Variants in TBC1D9B observed in about 807,000 individuals in gnomAD.
The protein encoded by TBC1D9B is TBC1 domain family, member 9B (with GRAM domain).
TBC1D9B carries 87 observed loss-of-function variants against 121.1 expected under a neutral mutation model. The ratio of observed to expected loss-of-function variants is 0.72; its 90% CI spans 0.60 to 0.86. The LOEUF (loss-of-function observed/expected upper bound fraction) is 0.86. Ranked by LOEUF, TBC1D9B falls within the 40% of genes least tolerant of loss-of-function variation. The pLI, the probability that TBC1D9B is intolerant of heterozygous loss-of-function variation, is 0.00. For synonymous variants in TBC1D9B, 668 were observed against 670.1 expected (o/e 1.00, Z 0.05); for missense variants, 1,540 against 1,628.6 (o/e 0.95, Z 0.94).
In TBC1D9B at chr5:179,904,668, C is replaced by T. The variant is rs11748680; in HGVS notation, c.229+34G>A. 215 of 1,539,448 alleles carry T rather than the reference C, an allele frequency of 1.4e-4. No individual in the cohort carries two copies. The East Asian group carries it at 4.7e-3, about 34-fold the overall frequency. On this transcript the variant is annotated intron_variant, in intron 2 of 20. Coordinates refer to ENST00000355235, the MANE Select transcript of TBC1D9B (RefSeq NM_015043.4). The surrounding 1 kb of genome is among the most constrained non-coding windows in gnomAD (Gnocchi z 4.2). ...GGCAACGGCCCTTCCAGGGCAGGCC[C>T]TGCCCAGCACCCCTCACCACTCAGG...
chr5:179,888,265 G>A lies in TBC1D9B; in HGVS notation c.1092C>T (p.Pro364=), dbSNP rs776140199. Residue 364 remains proline (P), a synonymous_variant, in exon 7 of 21, where the codon CCC becomes CCT. Coordinates refer to ENST00000355235, the MANE Select transcript of TBC1D9B (RefSeq NM_015043.4). The stretch of plus-strand genomic sequence containing the variant: ...TTTTGCTTTTGGTGCTGATGGACAG[G>A]GGGCTGGGCAGCACGCTGGAGCTGT... ...KADSSSVLPS[P]LSISTKSKMT... is the part of the protein sequence containing the mutation. The A allele has an allele frequency of 8.7e-6, 14 of 1,609,910 alleles. No homozygotes were observed. In the South Asian group the frequency reaches 1.2e-4, roughly 14 times the overall value.
rs2113619409 is a variant in TBC1D9B at position 179,878,898 on chromosome 5, A to C, written c.1567+149T>G. ...GGTTGGGTCCCGGGCCAGAGCCCAG[A>C]GCCCAGAGCCCGGCTCCCGGCTGTG... On this transcript the variant is annotated intron_variant, in intron 9 of 20. Transcript: ENST00000355235. 2.6e-6 allele frequency: 3 copies of C among 1,164,064 alleles called. No homozygotes were observed. The African/African-American group carries it at 4.6e-5, about 18-fold the overall frequency. 72.1% of individuals were successfully genotyped at this position (1,164,064 alleles called of 1,614,324 possible).
Position 179,869,432 on chromosome 5 carries a change from A to G in TBC1D9B, c.2791+337T>C, listed in dbSNP as rs1289231868. The stretch of plus-strand genomic sequence containing the variant: ...GGAATAAACCCTTAAGAAACTTGAC[A>G]GATAAATGCAGCAGTTTCGGTTCCA... On this transcript the variant is annotated intron_variant, in intron 17 of 20. Coordinates refer to ENST00000355235, the MANE Select transcript of TBC1D9B (RefSeq NM_015043.4). The G allele has an allele frequency of 6.6e-6, 3 of 456,456 alleles. No homozygotes were observed. The East Asian group carries it at 1.6e-4, about 24-fold the overall frequency. The allele number at this position is 456,456 out of a possible 1,614,324, so 28.3% of individuals were successfully genotyped here.
chr5:179,898,236 C>G (rs1313367677), intron 3 of TBC1D9B, among the ~76,000 whole-genome samples: 1 of 151,162 alleles, frequency 6.6e-6, no homozygotes, highest in Non-Finnish European at 1.5e-5. Flanking sequence ...ACTGCAAACT[C>G]TGCTTCCCGG....
In TBC1D9B at chr5:179,885,227, A is replaced by G. The variant is rs537818361; in HGVS notation, c.1254+2876T>C. ...GTCCTAAAGTAAATTATTGAGATTA[A>G]TTTTAACAATATATTTGACTTAATC... On this transcript the variant is annotated intron_variant, in intron 7 of 20. Coordinates refer to ENST00000355235, the MANE Select transcript of TBC1D9B (RefSeq NM_015043.4). The surrounding 1 kb of genome is among the most constrained non-coding windows in gnomAD (Gnocchi z 4.5). Among the ~76,000 whole-genome samples, 134 of 152,334 alleles carry G rather than the reference A, an allele frequency of 8.8e-4. No homozygotes were observed. Among genetic ancestry groups the G allele is most frequent in the African/African-American group, 3.1e-3 (128 of 41,572 alleles).
intron 3 of TBC1D9B, among the ~76,000 whole-genome samples, chr5:179,896,872 TC>T (rs1210922642): frequency 6.6e-6 from 1 of 152,126 alleles, no homozygotes; most frequent in Non-Finnish European, 1.5e-5. Flanking sequence ...TGTTTTGTCA[TC>T]CTCTCTCTTT....
At chr5:179,870,159 C>T in intron 16 of TBC1D9B, 96 bp downstream of exon 16, 2 of 1,548,466 alleles carry the variant, frequency 1.3e-6, no homozygotes. Context: ...CCCCTACTTG[C>T]TGCAGGGGGA....
Position 179,865,704 on chromosome 5 carries a change from G to T in TBC1D9B, c.2914+134C>A. Reference sequence around the variant, plus strand: ...GAGCCTCCTGTGCATCCCGAGGCCTGCTCCCTGATCGGGGGACGCATCCGC... The same window carrying T: ...GAGCCTCCTGTGCATCCCGAGGCCTTCTCCCTGATCGGGGGACGCATCCGC... On this transcript the variant is annotated intron_variant, in intron 19 of 20. Transcript: ENST00000355235. The surrounding 1 kb of genome is among the most constrained non-coding windows in gnomAD (Gnocchi z 5.1). The T allele has an allele frequency of 9.7e-7, 1 of 1,035,718 alleles. No individual in the cohort carries two copies. The highest frequency in any genetic ancestry group is 1.4e-6 in the Non-Finnish European group (1 of 701,732). The allele number at this position is 1,035,718 out of a possible 1,614,324, so 64.2% of individuals were successfully genotyped here.
At position 179,888,221 on chromosome 5, in the gene TBC1D9B, T is replaced by C. The variant is rs150609513; in HGVS notation, c.1136A>G (p.Asn379Ser). The C allele has an allele frequency of 5.0e-5, 81 of 1,612,310 alleles. 1 individual carries two copies. Among genetic ancestry groups the C allele is most frequent in the Middle Eastern group, 3.3e-4 (2 of 6,044 alleles). ...TKSKMTFLFA[N>S]LKDRDFLVQR... Reference sequence around the variant, plus strand: ...CACCAAGAAATCACGGTCTTTCAGGTTGGCAAACAGGAATGTCATTTTGCT... The same window carrying C: ...CACCAAGAAATCACGGTCTTTCAGGCTGGCAAACAGGAATGTCATTTTGCT... The change falls in exon 7 of 21, where the codon AAC (asparagine) becomes AGC (serine). Residue 379 changes from asparagine to serine, a missense_variant. Transcript: ENST00000355235.
At chr5:179,877,645 C>T (rs1019436607) in intron 10 of TBC1D9B, among the ~76,000 whole-genome samples, 2 of 84,514 alleles carry the variant, frequency 2.4e-5, no homozygotes, top group Non-Finnish European at 4.5e-5. Flanking sequence ...GCCTGGGAAA[C>T]AAGAGTGAGA....
intron 6 of TBC1D9B, among the ~76,000 whole-genome samples, chr5:179,888,788 G>C (rs1421239464): frequency 1.3e-5 from 2 of 152,206 alleles, no homozygotes; most frequent in Non-Finnish European, 2.9e-5. Flanking sequence ...CTGGCAGGGA[G>C]ACGGACGAGG....
At chr5:179,888,443 C>T (rs1450646217) in intron 6 of TBC1D9B, 131 bp from the exon 7 acceptor site, 1 of 935,650 alleles carries the variant, frequency 1.1e-6, no homozygotes, top group African/African-American at 1.7e-5. Context: ...CAACTGTCCT[C>T]ACATTCTGAC....
rs1262774830 is a variant in TBC1D9B at position 179,874,594 on chromosome 5, T to A, written c.2186+308A>T. On this transcript the variant is annotated intron_variant, in intron 12 of 20. Coordinates refer to ENST00000355235, the MANE Select transcript of TBC1D9B (RefSeq NM_015043.4). This position sits in a 1 kb window ranked among gnomAD's most constrained non-coding sequence, Gnocchi z 4.3. Reference sequence around the variant, plus strand: ...GCCCAGCTGTGCCACCAACTGGAATTGTGGTCACTGGATCTTGGCTCTGGT... The same window carrying A: ...GCCCAGCTGTGCCACCAACTGGAATAGTGGTCACTGGATCTTGGCTCTGGT... 6.6e-6 allele frequency among the ~76,000 whole-genome samples: 1 copy of A among 152,152 alleles called. No homozygotes were observed. The highest frequency in any genetic ancestry group is 1.5e-5 in the Non-Finnish European group (1 of 68,012).
At chr5:179,881,191 C>T (rs1255783737) in intron 7 of TBC1D9B, among the ~76,000 whole-genome samples, 3 of 152,214 alleles carry the variant, frequency 2.0e-5, no homozygotes, top group Admixed American at 6.5e-5. Flanking sequence ...ACCTTACATT[C>T]GGGCTTACTG....
At chr5:179,889,414 G>T (rs183639939) in intron 6 of TBC1D9B, among the ~76,000 whole-genome samples, 1 of 148,636 alleles carries the variant, frequency 6.7e-6, no homozygotes, top group Non-Finnish European at 1.5e-5. Context: ...GCGCACAGAA[G>T]GCCTCACAGG....
chr5:179,880,141 C>T (rs867030788), intron 7 of TBC1D9B: 4 of 293,540 alleles, frequency 1.4e-5, no homozygotes, highest in Middle Eastern at 2.1e-3. Flanking sequence ...CCCTGCCCAC[C>T]CTCGGGCCCA....
chr5:179,888,804 A>G (rs1760771563), intron 6 of TBC1D9B, among the ~76,000 whole-genome samples: 1 of 152,138 alleles, frequency 6.6e-6, no homozygotes, highest in African/African-American at 2.4e-5. Flanking sequence ...CGAGGGATGC[A>G]CCAGCTGAGC....
At chr5:179,878,649 G>T (rs1760434575) in intron 9 of TBC1D9B, 126 bp from the exon 10 acceptor site, 3 of 947,964 alleles carry the variant, frequency 3.2e-6, no homozygotes, top group Non-Finnish European at 4.7e-6. Flanking sequence ...AGCACAAGCT[G>T]CGAGGCAAGG....
At chr5:179,880,152 T>C (rs956307118) in intron 7 of TBC1D9B, 2 of 278,360 alleles carry the variant, frequency 7.2e-6, no homozygotes, top group Non-Finnish European at 1.4e-5. Flanking sequence ...CTCGGGCCCA[T>C]GCTTCCTGGG....
Sources: allele counts gnomAD v4.1 joint callset (sites outside exome capture counted in the v4.1 genomes callset), GRCh38; gene constraint gnomAD v4.1.1; non-coding constraint Gnocchi (gnomAD v3.1); transcripts MANE v1.5; gene names NCBI Gene and HGNC (gene_info 2026-07-23, HGNC 2026-07-21).